ATP13A5: variants seen among roughly 807,000 people sequenced by gnomAD.
The protein encoded by ATP13A5 is probable cation-transporting ATPase 13A5.
ATP13A5 carries 149 observed loss-of-function variants against 150.2 expected under a neutral mutation model. The observed-to-expected ratio is 0.99, with a 90% confidence interval of 0.87 to 1.14. The LOEUF (loss-of-function observed/expected upper bound fraction) is 1.14, where lower values mean the gene tolerates loss of function less well. Among genes scored for constraint, ATP13A5 ranks in the 50% most tolerant of loss-of-function variants. The pLI is 0.00. For synonymous variants in ATP13A5, 497 were observed against 522.2 expected (o/e 0.95, Z 0.66); for missense variants, 1,383 against 1,449.3 (o/e 0.95, Z 0.74).
At chr3:193,279,976 TAAAAA>T (rs57617984) in intron 27 of ATP13A5, among the ~76,000 whole-genome samples, 1,782 of 59,870 alleles carry the variant, frequency 0.03, 38 homozygotes, top group Admixed American at 0.088. Flanking sequence ...GTGTCTTTGT[TAAAAA>T]AAAAAAAAAA....
intron 5 of ATP13A5, among the ~76,000 whole-genome samples, chr3:193,357,806 G>T (rs1267847839): frequency 6.6e-6 from 1 of 152,216 alleles, no homozygotes; most frequent in East Asian, 1.9e-4. Context: ...GGGGATTTCT[G>T]CAGGGACCAT....
At position 193,307,464 on chromosome 3, in the gene ATP13A5, T is replaced by C. The variant is rs1035001479; in HGVS notation, c.2526-95A>G. On this transcript the variant is annotated intron_variant, in intron 21 of 29. Coordinates refer to ENST00000342358, the MANE Select transcript of ATP13A5 (RefSeq NM_198505.4). Reference sequence around the variant, plus strand: ...ATAACTAAGTCACATGTGATTTGTGTGTATGTGTGTGTCCCCTGAACACAC... The same window carrying C: ...ATAACTAAGTCACATGTGATTTGTGCGTATGTGTGTGTCCCCTGAACACAC... 5 of 1,423,624 alleles carry C rather than the reference T, an allele frequency of 3.5e-6. No individual in the cohort carries two copies. In the Admixed American group the frequency reaches 9.3e-5, roughly 26 times the overall value. 88.2% of individuals were successfully genotyped at this position (1,423,624 alleles called of 1,614,324 possible).
At chr3:193,375,509 A>G (rs1713611052) in intron 1 of ATP13A5, among the ~76,000 whole-genome samples, 1 of 152,188 alleles carries the variant, frequency 6.6e-6, no homozygotes, top group South Asian at 2.1e-4. Flanking sequence ...ACACCTGGGC[A>G]GGGCAGATTT....
At chr3:193,304,594 T>C (rs981384318) in intron 23 of ATP13A5, among the ~76,000 whole-genome samples, 1 of 152,138 alleles carries the variant, frequency 6.6e-6, no homozygotes, top group Non-Finnish European at 1.5e-5. Flanking sequence ...TAGGAAACAA[T>C]AGATAAATCA....
At chr3:193,275,758 C>A (rs1212371471) in intron 29 of ATP13A5, among the ~76,000 whole-genome samples, 1 of 152,200 alleles carries the variant, frequency 6.6e-6, no homozygotes, top group Non-Finnish European at 1.5e-5. Flanking sequence ...CTTTTGTTCA[C>A]ATGCCCACAC....
Position 193,322,473 on chromosome 3 carries a change from T to A in ATP13A5, c.1758+18A>T. On this transcript the variant is annotated intron_variant, in intron 15 of 29. Coordinates refer to ENST00000342358, the MANE Select transcript of ATP13A5 (RefSeq NM_198505.4). ...TTTATGGGGAAAGAGCTATGTGATG[T>A]AAAGAAGGAAATCATACCTTACTGG... 1 of 1,583,050 alleles carries A rather than the reference T, an allele frequency of 6.3e-7. No individual in the cohort carries two copies. Among genetic ancestry groups the A allele is most frequent in the Non-Finnish European group, 8.7e-7 (1 of 1,152,900 alleles).
chr3:193,305,685 A>G lies in ATP13A5; in HGVS notation c.2569-17T>C, dbSNP rs1196505569. 2 of 1,609,688 alleles carry G rather than the reference A, an allele frequency of 1.2e-6. No homozygotes were observed. The highest frequency in any genetic ancestry group is 2.7e-5 in the African/African-American group (2 of 74,778). ...TTTCAAAGCCTGGAATGATAAGCCC[A>G]TGTCTCACCCATGACTTTTCAGGTT... is the stretch of plus-strand genomic sequence containing the variant. On this transcript the variant is annotated splice_polypyrimidine_tract_variant and intron_variant, in intron 22 of 29. Coordinates refer to ENST00000342358, the MANE Select transcript of ATP13A5 (RefSeq NM_198505.4).
chr3:193,281,641 C>A (rs906455301), intron 27 of ATP13A5, among the ~76,000 whole-genome samples: 1 of 152,134 alleles, frequency 6.6e-6, no homozygotes, highest in Admixed American at 6.5e-5. Flanking sequence ...AAAGAGTTTT[C>A]TGTTACATCA....
At chr3:193,365,141 T>C (rs1446838371) in intron 1 of ATP13A5, among the ~76,000 whole-genome samples, 2 of 152,164 alleles carry the variant, frequency 1.3e-5, no homozygotes, top group Non-Finnish European at 2.9e-5. Flanking sequence ...ATCTCTACTA[T>C]ACTATTATTT....
At chr3:193,362,509 A>AG (rs758054886) in intron 4 of ATP13A5, 48 bp from the exon 5 acceptor site, 29 of 1,613,046 alleles carry the variant, frequency 1.8e-5, no homozygotes, top group Admixed American at 1.3e-4. Flanking sequence ...ATAGCACTCA[A>AG]CAAATCAGTG....
intron 1 of ATP13A5, among the ~76,000 whole-genome samples, chr3:193,376,197 G>T (rs183715316): frequency 6.6e-6 from 1 of 152,082 alleles, no homozygotes; most frequent in Non-Finnish European, 1.5e-5. Context: ...GGCTTCCCTC[G>T]ATTTATTTAT....
Position 193,274,952 on chromosome 3 carries a change from A to C in ATP13A5, c.*90T>G. The C allele has an allele frequency of 6.6e-7, 1 of 1,505,878 alleles. No individual in the cohort carries two copies. The highest frequency in any genetic ancestry group is 9.0e-7 in the Non-Finnish European group (1 of 1,110,618). The allele number at this position is 1,505,878 out of a possible 1,614,324, so 93.3% of individuals were successfully genotyped here. A position where few individuals can be genotyped will look rare whatever the true frequency, so the allele number is the denominator to read the frequency against. ...TTGAATGCTTGAATGGAGAGAGGAA[A>C]GGTAAGGGGAGAGTATCATCACTTC... On this transcript the variant is annotated 3_prime_UTR_variant, in exon 30 of 30. Coordinates refer to ENST00000342358, the MANE Select transcript of ATP13A5 (RefSeq NM_198505.4).
In ATP13A5 at chr3:193,275,132, G is replaced by A. The variant is rs776685790; in HGVS notation, c.3567C>T (p.Asn1189=). 1.3e-5 allele frequency: 21 copies of A among 1,613,998 alleles called. No homozygotes were observed. Among genetic ancestry groups the A allele is most frequent in the East Asian group, 4.5e-5 (2 of 44,898 alleles). The change falls in exon 30 of 30, where the codon AAC becomes AAT. Residue 1189 remains asparagine (N), a synonymous_variant. Coordinates refer to ENST00000342358, the MANE Select transcript of ATP13A5 (RefSeq NM_198505.4). ...TCTGTTCATGGCTTTCATAGCCTCC[G>A]TTGATGTAGAATCCATTTTTGCCAT... is the stretch of plus-strand genomic sequence containing the variant. ...SGDGKNGFYI[N]GGYESHEQIP...
chr3:193,348,806 C>G (rs1395702883), intron 7 of ATP13A5, among the ~76,000 whole-genome samples: 1 of 152,134 alleles, frequency 6.6e-6, no homozygotes, highest in Non-Finnish European at 1.5e-5. Context: ...AAGCCCTTCC[C>G]CAAATCTTAC....
intron 2 of ATP13A5, 127 bp from the exon 3 acceptor site, chr3:193,363,509 T>C (rs187319274): frequency 3.6e-6 from 3 of 827,888 alleles, no homozygotes; most frequent in Non-Finnish European, 5.4e-6. Context: ...TCTCAGAACT[T>C]AGTAGAAATG....
At chr3:193,318,319 G>T (rs919914453) in intron 17 of ATP13A5, among the ~76,000 whole-genome samples, 8 of 152,130 alleles carry the variant, frequency 5.3e-5, no homozygotes, top group African/African-American at 1.9e-4. Flanking sequence ...TAGATTTTCT[G>T]CTATTCAGTT....
In ATP13A5 at chr3:193,362,440, G is replaced by A. The variant is rs1178881721; in HGVS notation, c.477C>T (p.Ser159=). The change falls in exon 5 of 30, where the codon TCC becomes TCT. Residue 159 remains serine (S), a synonymous_variant. Coordinates refer to ENST00000342358, the MANE Select transcript of ATP13A5 (RefSeq NM_198505.4). ...CAAATGTCTGATGGATGTCAGAGCA[G>A]GAATTGCTGTCTTCTAGCAACCTAG... is the stretch of plus-strand genomic sequence containing the variant. ...QKVGLLEDSN[S]CSDIHQTFGL... 2 of 1,613,996 alleles carry A rather than the reference G, an allele frequency of 1.2e-6. 1 individual carries two copies. Among genetic ancestry groups the A allele is most frequent in the Non-Finnish European group, 1.7e-6 (2 of 1,179,984 alleles).
At chr3:193,343,782 G>T in intron 9 of ATP13A5, 145 bp downstream of exon 9, 1 of 773,636 alleles carries the variant, frequency 1.3e-6, no homozygotes, top group Non-Finnish European at 1.9e-6. Flanking sequence ...TGTATATTGT[G>T]TCTCCATATA....
rs769439505 is a variant in ATP13A5, at chr3:193,331,207, C to T, written c.1377G>A (p.Lys459=). ...AGAAGATTTTCTTTTTCTTCAGTCT[C>T]TTCTGAGCATACACGTTGCCTATGG... The part of the protein sequence containing the change: ...ALTIGNVYAQ[K]RLKKKKIFCI... Residue 459 remains lysine, a synonymous_variant, in exon 12 of 30, where the codon AAG becomes AAA. Transcript: ENST00000342358. The T allele has an allele frequency of 6.2e-7, 1 of 1,614,114 alleles. No homozygotes were observed. The highest frequency in any genetic ancestry group is 1.1e-5 in the South Asian group (1 of 91,068).
Sources: allele counts gnomAD v4.1 joint callset (sites outside exome capture counted in the v4.1 genomes callset), GRCh38; gene constraint gnomAD v4.1.1; transcripts MANE v1.5; gene names NCBI Gene and HGNC (gene_info 2026-07-23, HGNC 2026-07-21).